The following ANKRD35 variants were observed in gnomAD, a reference collection of about 807,000 sequenced individuals.
The protein encoded by ANKRD35 is ankyrin repeat domain-containing protein 35.
ANKRD35 carries 102 observed loss-of-function variants against 109.9 expected under a neutral mutation model. That is an observed-to-expected ratio of 0.93 (90% CI 0.79 to 1.09). The LOEUF (loss-of-function observed/expected upper bound fraction) is 1.09. Among genes scored for constraint, ANKRD35 ranks in the 50% least tolerant of loss-of-function variants. ANKRD35 has a pLI of 0.00. For synonymous variants in ANKRD35, 515 were observed against 512.4 expected, an observed-to-expected ratio of 1.01 and a Z score of -0.07; for missense variants, 1,240 against 1,230.1, an observed-to-expected ratio of 1.01 and a Z score of -0.12.
intron 1 of ANKRD35, among the ~76,000 whole-genome samples, chr1:145,880,639 T>C (rs966253993): frequency 1.3e-5 from 2 of 152,130 alleles, no homozygotes; most frequent in South Asian, 4.1e-4. Flanking sequence ...TTATAAGGTA[T>C]AATCTCAACA....
intron 10 of ANKRD35, among the ~76,000 whole-genome samples, chr1:145,870,592 C>T (rs963330918): frequency 6.6e-6 from 1 of 152,168 alleles, no homozygotes; most frequent in Non-Finnish European, 1.5e-5. Flanking sequence ...TCAACTTCTC[C>T]TTCAATGCAA....
Position 145,879,310 on chromosome 1 carries a change from C to T in ANKRD35, c.118G>A (p.Ala40Thr), listed in dbSNP as rs1553740708. 3 of 1,611,204 alleles carry T rather than the reference C, an allele frequency of 1.9e-6. No homozygotes were observed. The highest frequency in any genetic ancestry group is 2.7e-5 in the African/African-American group (2 of 74,700). Residue 40 changes from alanine to threonine, a missense_variant, in exon 2 of 14, where the codon GCC becomes ACC. Ala to Thr is a moderately conservative substitution (Grantham distance 58, BLOSUM62 0). Transcript: ENST00000355594. The part of the protein sequence containing the change: ...RGDVGRVAAL[A>T]SRKSARPTKL... ...GTGGGTCGGGCAGATTTCCTGGAGG[C>T]CAGGGCAGCCACGCGTCCCACATCC...
intron 1 of ANKRD35, among the ~76,000 whole-genome samples, chr1:145,881,787 C>A (rs1654295496): frequency 6.6e-6 from 1 of 152,158 alleles, no homozygotes; most frequent in Non-Finnish European, 1.5e-5. Context: ...ATAGTAGATG[C>A]ACAATCCATC....
At chr1:145,882,121 A>AT (rs1218862683) in intron 1 of ANKRD35, among the ~76,000 whole-genome samples, 3 of 150,292 alleles carry the variant, frequency 2.0e-5, no homozygotes, top group East Asian at 2.0e-4. Context: ...CACCCGGATA[A>AT]TTTTTTGTAT....
At position 145,879,333 on chromosome 1, in the gene ANKRD35, T is replaced by C; in HGVS notation, c.95A>G (p.Asp32Gly). ...GGCCAGGGCAGCCACGCGTCCCACA[T>C]CCCCCCTGTGCACTGCCTCCAGCAG... is the stretch of plus-strand genomic sequence containing the variant. ...QKLLEAVHRG[D>G]VGRVAALASR... Residue 32 changes from aspartate (D) to glycine (G), a missense_variant, in exon 2 of 14, where the codon GAT (aspartate) becomes GGT (glycine). Asp to Gly is a moderately conservative substitution (Grantham distance 94). Transcript: ENST00000355594. The C allele has an allele frequency of 6.2e-7, 1 of 1,610,180 alleles. No homozygotes were observed. Among genetic ancestry groups the C allele is most frequent in the Non-Finnish European group, 8.5e-7 (1 of 1,178,466 alleles).
intron 10 of ANKRD35, among the ~76,000 whole-genome samples, chr1:145,871,119 T>TGC (rs1570794239): frequency 5.7e-5 from 8 of 141,094 alleles, no homozygotes; most frequent in Admixed American, 3.7e-4. Context: ...TTTTCAAGCT[T>TGC]TTTTTCTTTC....
rs1553739225 is a variant in ANKRD35, at chr1:145,873,076, C to G, written c.1693G>C (p.Glu565Gln). Residue 565 changes from glutamate (E) to glutamine (Q), a missense_variant, in exon 10 of 14, where the codon GAG (glutamate) becomes CAG (glutamine). Coordinates refer to ENST00000355594, the MANE Select transcript of ANKRD35 (RefSeq NM_144698.5). Reference sequence around the variant, plus strand: ...GCCTTTAGGGCTCCCTCTCTGGACTCCTGGGAAGGAACCTCAGGTTTCACC... The same window carrying G: ...GCCTTTAGGGCTCCCTCTCTGGACTGCTGGGAAGGAACCTCAGGTTTCACC... ...LQVKPEVPSQ[E>Q]SREGALKAAP... 6.2e-7 allele frequency: 1 copy of G among 1,612,854 alleles called. No homozygotes were observed. Among genetic ancestry groups the G allele is most frequent in the Admixed American group, 1.7e-5 (1 of 59,832 alleles).
At chr1:145,881,209 T>C (rs1210774311) in intron 1 of ANKRD35, among the ~76,000 whole-genome samples, 1 of 152,114 alleles carries the variant, frequency 6.6e-6, no homozygotes, top group African/African-American at 2.4e-5. Context: ...TGCTTGAACC[T>C]GGGAAGTGGA....
Position 145,872,074 on chromosome 1 carries a change from G to T in ANKRD35, c.2695C>A (p.Arg899=). 6.2e-7 allele frequency: 1 copy of T among 1,613,460 alleles called. No homozygotes were observed. The highest frequency in any genetic ancestry group is 8.5e-7 in the Non-Finnish European group (1 of 1,179,846). Residue 899 remains arginine (R), a synonymous_variant, in exon 10 of 14, where the codon CGG becomes AGG. Transcript: ENST00000355594. Reference sequence around the variant, plus strand: ...TTCTCAAACTGCTCGGAGCGCCCCCGCATCTCGCTGGCCTGGCGCTCTTGT... The same window carrying T: ...TTCTCAAACTGCTCGGAGCGCCCCCTCATCTCGCTGGCCTGGCGCTCTTGT... ...AEQERQASEM[R]GRSEQFEKTA...
intron 1 of ANKRD35, among the ~76,000 whole-genome samples, chr1:145,881,949 C>CTTTTTTT (rs782253954): frequency 5.7e-5 from 6 of 104,632 alleles, no homozygotes; most frequent in Admixed American, 1.1e-4. Context: ...CTTTCCCCTT[C>CTTTTTTT]TTTTTTTTTT....
intron 4 of ANKRD35, among the ~76,000 whole-genome samples, chr1:145,877,425 G>A (rs1654122588): frequency 6.6e-6 from 1 of 151,970 alleles, no homozygotes; most frequent in Admixed American, 6.6e-5. Context: ...TTAGAGATGG[G>A]GTTTCACTGT....
chr1:145,870,509 A>C (rs1377324342), intron 10 of ANKRD35, among the ~76,000 whole-genome samples: 1 of 152,216 alleles, frequency 6.6e-6, no homozygotes, highest in African/African-American at 2.4e-5. Context: ...CTTGCCCAAG[A>C]TCAGACAATC....
At chr1:145,880,085 C>A (rs1301263339) in intron 1 of ANKRD35, among the ~76,000 whole-genome samples, 1 of 152,172 alleles carries the variant, frequency 6.6e-6, no homozygotes, top group Admixed American at 6.5e-5. Flanking sequence ...GAGGAAGCAG[C>A]AAGAGGTAGC....
Position 145,878,030 on chromosome 1 carries a change from T to C in ANKRD35, c.262A>G (p.Ser88Gly). The part of the protein sequence containing the change: ...ADINSKNEDG[S>G]TALHLATISC... ...ATGGTGGCCAAGTGTAGGGCAGTGC[T>C]TCCTGGAACAGAAAGAAGGGGAGAA... The change falls in exon 4 of 14, where the codon AGC becomes GGC. Residue 88 changes from serine (S) to glycine (G), a missense_variant and splice_region_variant. Coordinates refer to ENST00000355594, the MANE Select transcript of ANKRD35 (RefSeq NM_144698.5). 8 of 1,613,938 alleles carry C rather than the reference T, an allele frequency of 5.0e-6. No individual in the cohort carries two copies. In the South Asian group the frequency reaches 8.8e-5, roughly 18 times the overall value.
intron 10 of ANKRD35, 33 bp from the exon 11 acceptor site, chr1:145,868,433 G>C (rs781984598): frequency 1.0e-5 from 16 of 1,594,676 alleles, no homozygotes; most frequent in Non-Finnish European, 1.3e-5. Context: ...AACCAATGAG[G>C]CTCCAAGTCA....
At position 145,878,416 on chromosome 1, in the gene ANKRD35, A is replaced by G. The variant is rs1553740542; in HGVS notation, c.234T>C (p.Ala78=). Residue 78 remains alanine, a synonymous_variant, in exon 3 of 14, where the codon GCT becomes GCC. Transcript: ENST00000355594. ...ECLTILLANG[A]DINSKNEDGS... Reference sequence around the variant, plus strand: ...CATCCTCATTCTTGCTGTTGATGTCAGCCCCATTTGCAAGCAGGATAGTCA... The same window carrying G: ...CATCCTCATTCTTGCTGTTGATGTCGGCCCCATTTGCAAGCAGGATAGTCA... The G allele has an allele frequency of 1.9e-6, 3 of 1,569,930 alleles. No individual in the cohort carries two copies. Among genetic ancestry groups the G allele is most frequent in the Non-Finnish European group, 2.6e-6 (3 of 1,156,484 alleles).
chr1:145,872,010 A>G lies in ANKRD35; in HGVS notation c.2759T>C (p.Ile920Thr), dbSNP rs113734679. The G allele has an allele frequency of 1.2e-3, 1,907 of 1,612,568 alleles. 16 individuals are homozygous for G. In the African/African-American group the frequency reaches 0.02, roughly 17 times the overall value. Residue 920 changes from isoleucine to threonine, a missense_variant, in exon 10 of 14, where the codon ATT becomes ACT. Transcript: ENST00000355594. ...ELLKEKMEHL[I>T]GACRDKEAKI... ...GGCTTCCTTGTCTCGGCAAGCCCCA[A>G]TGAGATGCTCCATCTTCTCTTTCAG...
intron 12 of ANKRD35, 90 bp from the exon 13 acceptor site, chr1:145,867,482 G>T (rs368009649): frequency 5.3e-6 from 6 of 1,135,512 alleles, no homozygotes; most frequent in Middle Eastern, 2.0e-4. Context: ...ACAGTGGAAG[G>T]CTATTTATTT....
intron 10 of ANKRD35, among the ~76,000 whole-genome samples, chr1:145,870,587 T>C (rs1203648589): frequency 6.6e-6 from 1 of 152,194 alleles, no homozygotes; most frequent in Non-Finnish European, 1.5e-5. Flanking sequence ...TACTTTCAAC[T>C]TCTCCTTCAA....
Sources: allele counts gnomAD v4.1 joint callset (sites outside exome capture counted in the v4.1 genomes callset), GRCh38; gene constraint gnomAD v4.1.1; transcripts MANE v1.5; gene names NCBI Gene and HGNC (gene_info 2026-07-23, HGNC 2026-07-21).